Variants in PIEZO2 observed in about 807,000 individuals in gnomAD.
PIEZO2 encodes the protein piezo type mechanosensitive ion channel component 2.
In PIEZO2, 172 loss-of-function variants were observed where a neutral mutation model predicts 337.3. The observed-to-expected ratio is 0.51, with a 90% CI of 0.45 to 0.58. The LOEUF is 0.58. PIEZO2 is among the 20% of genes least tolerant of loss of function. PIEZO2 has a pLI of 0.00. For missense variants in PIEZO2, 3,028 were observed against 3,391.3 expected (o/e 0.89, Z 2.66); for synonymous variants, 1,251 against 1,228.5 (o/e 1.02, Z -0.38).
chr18:10,982,398 G>T lies in PIEZO2; in HGVS notation c.161-2738C>A, dbSNP rs946414124. On this transcript the variant is annotated intron_variant, in intron 2 of 55. Transcript: ENST00000674853. This position sits in a 1 kb window ranked among gnomAD's most constrained non-coding sequence, Gnocchi z 4.1. ...AAAAAAATAGAAAAACAAATAATAG[G>T]TATAAATAAGTGAAGAGATCTGTTA... Among the ~76,000 whole-genome samples the T allele has an allele frequency of 5.3e-5, 8 of 152,108 alleles. No homozygotes were observed. Among genetic ancestry groups the T allele is most frequent in the Admixed American group, 1.3e-4 (2 of 15,272 alleles).
chr18:10,893,112 G>A (rs2042802036), intron 4 of PIEZO2, among the ~76,000 whole-genome samples: 1 of 151,912 alleles, frequency 6.6e-6, no homozygotes, highest in Non-Finnish European at 1.5e-5. Flanking sequence ...TAAAATTCTG[G>A]GAAATTATGT....
intron 39 of PIEZO2, among the ~76,000 whole-genome samples, chr18:10,710,635 G>C (rs2035781490): frequency 6.6e-6 from 1 of 152,212 alleles, no homozygotes; most frequent in African/African-American, 2.4e-5. Context: ...TCTGTCTACT[G>C]TCTGCTTAAA....
Position 10,726,923 on chromosome 18 carries a change from G to T in PIEZO2, c.5029+4484C>A. Reference sequence around the variant, plus strand: ...CGGCTGGATGTGGCGGAGCTGGGTCGCCTGCTGCCCGACTGATGTAGGTTG... The same window carrying T: ...CGGCTGGATGTGGCGGAGCTGGGTCTCCTGCTGCCCGACTGATGTAGGTTG... On this transcript the variant is annotated intron_variant, in intron 36 of 55. Coordinates refer to ENST00000674853, the MANE Select transcript of PIEZO2 (RefSeq NM_001378183.1). The surrounding 1 kb of genome is among the most constrained non-coding windows in gnomAD (Gnocchi z 5.9). 6.4e-7 allele frequency: 1 copy of T among 1,557,458 alleles called. No individual in the cohort carries two copies.
chr18:10,812,548 T>C (rs148523536), intron 7 of PIEZO2, among the ~76,000 whole-genome samples: 2 of 152,250 alleles, frequency 1.3e-5, no homozygotes, highest in African/African-American at 4.8e-5. Flanking sequence ...ATTCATTCCA[T>C]GCTTTGTGAT....
At chr18:10,907,752 T>C (rs1248162698) in intron 4 of PIEZO2, among the ~76,000 whole-genome samples, 1 of 152,220 alleles carries the variant, frequency 6.6e-6, no homozygotes, top group Non-Finnish European at 1.5e-5. Context: ...CCTAGACTAA[T>C]AAATGACTGT....
At chr18:10,875,715 G>A (rs1204620619) in intron 4 of PIEZO2, among the ~76,000 whole-genome samples, 1 of 152,194 alleles carries the variant, frequency 6.6e-6, no homozygotes, top group African/African-American at 2.4e-5. Context: ...GACAGAGCAG[G>A]AAAGCCAGAG....
At chr18:10,805,294 A>G (rs2039963806) in intron 8 of PIEZO2, among the ~76,000 whole-genome samples, 1 of 152,226 alleles carries the variant, frequency 6.6e-6, no homozygotes, top group African/African-American at 2.4e-5. Context: ...CGAGTGAATT[A>G]CCTGAGCTCA....
In PIEZO2 at chr18:10,888,482, C is replaced by A. The variant is rs1568167862; in HGVS notation, c.330-17067G>T. Among the ~76,000 whole-genome samples, 1 of 152,174 alleles carries A rather than the reference C, an allele frequency of 6.6e-6. No homozygotes were observed. The highest frequency in any genetic ancestry group is 1.5e-5 in the Non-Finnish European group (1 of 68,026). On this transcript the variant is annotated intron_variant, in intron 4 of 55. Coordinates refer to ENST00000674853, the MANE Select transcript of PIEZO2 (RefSeq NM_001378183.1). This position sits in a 1 kb window ranked among gnomAD's most constrained non-coding sequence, Gnocchi z 4.1. ...TTTTTGTGCACCCTGGTATTCAGAG[C>A]TGGGCACTTGGAGTAGCATTGTTAC...
Position 10,766,366 on chromosome 18 carries a change from C to A in PIEZO2, c.2947-3268G>T, listed in dbSNP as rs547171744. On this transcript the variant is annotated intron_variant, in intron 21 of 55. Transcript: ENST00000674853. This position sits in a 1 kb window ranked among gnomAD's most constrained non-coding sequence, Gnocchi z 6.1. Reference sequence around the variant, plus strand: ...AGGAGGACAATGACTATGACAAATACCTGGGCCACAACCAACACCTGATGA... The same window carrying A: ...AGGAGGACAATGACTATGACAAATAACTGGGCCACAACCAACACCTGATGA... Among the ~76,000 whole-genome samples the A allele has an allele frequency of 4.6e-5, 7 of 152,174 alleles. No homozygotes were observed. The highest frequency in any genetic ancestry group is 2.1e-4 in the South Asian group (1 of 4,822).
chr18:10,959,451 C>A (rs2033672673), intron 3 of PIEZO2, among the ~76,000 whole-genome samples: 1 of 151,984 alleles, frequency 6.6e-6, no homozygotes, highest in Admixed American at 6.5e-5. Flanking sequence ...AATAATACAT[C>A]AAAAAATCAC....
At position 11,092,898 on chromosome 18, in the gene PIEZO2, G is replaced by A. The variant is rs2039139492; in HGVS notation, c.65-26676C>T. Among the ~76,000 whole-genome samples, 1 of 152,162 alleles carries A rather than the reference G, an allele frequency of 6.6e-6. No individual in the cohort carries two copies. The highest frequency in any genetic ancestry group is 2.4e-5 in the African/African-American group (1 of 41,428). ...CTCTTGCTATTCCCCCTCAAGAACT[G>A]TTCTCAAAAAATTGGCTTAATATGC... On this transcript the variant is annotated intron_variant, in intron 1 of 55. Coordinates refer to ENST00000674853, the MANE Select transcript of PIEZO2 (RefSeq NM_001378183.1). The surrounding 1 kb of genome is among the most constrained non-coding windows in gnomAD (Gnocchi z 4.5).
Position 11,003,786 on chromosome 18 carries a change from C to T in PIEZO2, c.161-24126G>A, listed in dbSNP as rs747778789. On this transcript the variant is annotated intron_variant, in intron 2 of 55. Transcript: ENST00000674853. The surrounding 1 kb of genome is among the most constrained non-coding windows in gnomAD (Gnocchi z 4.6). ...AGTACCTAGAAAAATCCCACACAGA[C>T]CTGGGGAGAACAAGCAAACTCCACA... 6.6e-6 allele frequency among the ~76,000 whole-genome samples: 1 copy of T among 152,156 alleles called. No individual in the cohort carries two copies. The highest frequency in any genetic ancestry group is 2.4e-5 in the African/African-American group (1 of 41,426).
intron 49 of PIEZO2, among the ~76,000 whole-genome samples, 163 bp downstream of exon 49, chr18:10,689,492 C>T (rs2034702615): frequency 6.6e-6 from 1 of 152,170 alleles, no homozygotes; most frequent in South Asian, 2.1e-4. Context: ...GGCAGTAAGT[C>T]TAAATTCCCA....
chr18:10,882,857 T>TTTTTG (rs2042463619), intron 4 of PIEZO2, among the ~76,000 whole-genome samples: 1 of 148,564 alleles, frequency 6.7e-6, no homozygotes. Context: ...TTTTTTTTTT[T>TTTTTG]GAGATGGAGT....
chr18:10,963,108 A>T lies in PIEZO2; in HGVS notation c.286+16427T>A, dbSNP rs189692960. 1.1e-3 allele frequency among the ~76,000 whole-genome samples: 160 copies of T among 152,110 alleles called. 1 individual carries two copies. The highest frequency in any genetic ancestry group is 1.5e-4 in the Non-Finnish European group (10 of 67,982). On this transcript the variant is annotated intron_variant, in intron 3 of 55. Transcript: ENST00000674853. ...AAGACCAGCCTAGCCAGCATGATGA[A>T]ACCTTGTCTCTACTAAAAATACAAA...
chr18:11,019,576 C>T (rs377247156), intron 2 of PIEZO2, among the ~76,000 whole-genome samples: 42 of 152,290 alleles, frequency 2.8e-4, no homozygotes, highest in South Asian at 2.5e-3. Context: ...GACTCCTGCA[C>T]GGAAGACAGT....
intron 2 of PIEZO2, among the ~76,000 whole-genome samples, chr18:11,045,212 A>G (rs940535894): frequency 6.9e-6 from 1 of 144,964 alleles, no homozygotes; most frequent in Non-Finnish European, 1.5e-5. Context: ...CAGCAAGTAG[A>G]ATGGCGTGAA....
chr18:10,836,703 GC>G (rs1182390342), intron 7 of PIEZO2, among the ~76,000 whole-genome samples: 3 of 152,138 alleles, frequency 2.0e-5, no homozygotes, highest in African/African-American at 7.2e-5. Flanking sequence ...CTTGTCTTAT[GC>G]CTAGGTCAGA....
Position 10,775,421 on chromosome 18 carries a change from A to T in PIEZO2, c.2535-1383T>A, listed in dbSNP as rs2038749463. On this transcript the variant is annotated intron_variant, in intron 18 of 55. Coordinates refer to ENST00000674853, the MANE Select transcript of PIEZO2 (RefSeq NM_001378183.1). The surrounding 1 kb of genome is among the most constrained non-coding windows in gnomAD (Gnocchi z 4.3). ...TTTGTTCTCTTCAGGGATGCATTTT[A>T]TAAATGAAAAGATACCTTTATTAAG... Among the ~76,000 whole-genome samples, 1 of 152,220 alleles carries T rather than the reference A, an allele frequency of 6.6e-6. No individual in the cohort carries two copies. Among genetic ancestry groups the T allele is most frequent in the Non-Finnish European group, 1.5e-5 (1 of 68,036 alleles).
Sources: gnomAD v4.1 joint callset for allele counts (sites outside exome capture counted in the v4.1 genomes callset) on GRCh38, gnomAD v4.1.1 for gene constraint, Gnocchi (gnomAD v3.1) non-coding constraint, MANE v1.5 for transcripts, NCBI Gene and HGNC (gene_info 2026-07-23, HGNC 2026-07-21) for gene names.